Variants in GAB4 observed in about 807,000 individuals in gnomAD.
GAB4 encodes the protein GRB2 associated binding protein family member 4.
Under a neutral mutation model 51.3 loss-of-function variants are expected in GAB4, and 26 were observed. The ratio of observed to expected loss-of-function variants is 0.51; its 90% CI spans 0.37 to 0.70. The LOEUF (loss-of-function observed/expected upper bound fraction) is 0.70, where lower values mean the gene tolerates loss of function less well. GAB4 is among the 30% of genes least tolerant of loss of function. GAB4 has a pLI of 0.00. For synonymous variants in GAB4, 329 were observed against 291.2 expected (o/e 1.13, Z -1.32); for missense variants, 759 against 734.6 (o/e 1.03, Z -0.38).
At chr22:16,984,984 G>A (rs1338518852) in intron 3 of GAB4, among the ~76,000 whole-genome samples, 1 of 152,322 alleles carries the variant, frequency 6.6e-6, no homozygotes, top group East Asian at 1.9e-4. Context: ...ATTGACCTCT[G>A]TGTATTTGCT....
intron 3 of GAB4, among the ~76,000 whole-genome samples, chr22:16,974,701 C>A (rs1349751989): frequency 6.6e-6 from 1 of 152,210 alleles, no homozygotes; most frequent in African/African-American, 2.4e-5. Flanking sequence ...CTTTAAAAAC[C>A]TAAATGATGG....
intron 3 of GAB4, 35 bp downstream of exon 3, chr22:16,987,925 G>T: frequency 6.6e-7 from 1 of 1,510,260 alleles, no homozygotes; most frequent in Non-Finnish European, 9.0e-7. Flanking sequence ...ACCTTGTGGG[G>T]GTCACTGCCC....
intron 1 of GAB4, among the ~76,000 whole-genome samples, chr22:17,003,098 T>C (rs1601293732): frequency 6.6e-6 from 1 of 152,130 alleles, no homozygotes; most frequent in East Asian, 1.9e-4. Flanking sequence ...CATTAAATAA[T>C]GGTAAAGGGA....
intron 1 of GAB4, among the ~76,000 whole-genome samples, chr22:16,999,132 T>A (rs1033288643): frequency 1.3e-5 from 2 of 152,248 alleles, no homozygotes; most frequent in African/African-American, 4.8e-5. Flanking sequence ...CAGGCTTTGG[T>A]AACAGGATGA....
intron 3 of GAB4, among the ~76,000 whole-genome samples, chr22:16,984,463 C>T (rs1569102370): frequency 1.3e-5 from 2 of 152,204 alleles, no homozygotes; most frequent in Non-Finnish European, 2.9e-5. Context: ...TAGCCAACAT[C>T]TGTATTATCT....
intron 1 of GAB4, among the ~76,000 whole-genome samples, chr22:16,999,496 T>C (rs902844325): frequency 6.6e-6 from 1 of 152,240 alleles, no homozygotes; most frequent in Non-Finnish European, 1.5e-5. Flanking sequence ...ATCCCCTTTA[T>C]CACTTTTTAT....
chr22:17,007,136 G>C (rs4819939), intron 1 of GAB4, among the ~76,000 whole-genome samples: 53,049 of 152,028 alleles, frequency 0.35, 9,601 homozygotes, highest in South Asian at 0.46. Flanking sequence ...TGAAGGGCTG[G>C]ACCTGGGGCT....
rs2060699601 is a variant in GAB4 at position 16,968,338 on chromosome 22, C to T, written c.983G>A (p.Arg328Gln). Residue 328 changes from arginine to glutamine, a missense_variant, in exon 5 of 10, where the codon CGG (arginine) becomes CAG (glutamine). Transcript: ENST00000400588. ...TCCCTCATGCATGGACTCAGCAGGC[C>T]GGCTGGCATTCCCTCCACCATGCTG... is the stretch of plus-strand genomic sequence containing the variant. ...YTQHGGGNAS[R>Q]PAESMHEGVC... 1 of 1,614,072 alleles carries T rather than the reference C, an allele frequency of 6.2e-7. No individual in the cohort carries two copies. Among genetic ancestry groups the T allele is most frequent in the Non-Finnish European group, 8.5e-7 (1 of 1,179,968 alleles).
chr22:17,004,968 C>T (rs1185655877), intron 1 of GAB4, among the ~76,000 whole-genome samples: 1 of 152,194 alleles, frequency 6.6e-6, no homozygotes, highest in Non-Finnish European at 1.5e-5. Flanking sequence ...TCTCACCACT[C>T]CTATTCAACA....
At position 16,966,088 on chromosome 22, in the gene GAB4, G is replaced by A; in HGVS notation, c.1288+12C>T. 1 of 1,612,810 alleles carries A rather than the reference G, an allele frequency of 6.2e-7. No individual in the cohort carries two copies. ...TGGACATTGTCAAGAAATAGAATGG[G>A]GAAAGACTTACCCTTCTGGTTAGGC... On this transcript the variant is annotated intron_variant, in intron 6 of 9. Coordinates refer to ENST00000400588, the MANE Select transcript of GAB4 (RefSeq NM_001037814.1).
At chr22:16,964,509 G>A (rs1337880517) in intron 8 of GAB4, among the ~76,000 whole-genome samples, 2 of 152,166 alleles carry the variant, frequency 1.3e-5, no homozygotes, top group Non-Finnish European at 2.9e-5. Flanking sequence ...GGCACCACCT[G>A]TATCACCGTC....
chr22:16,987,930 C>A (rs1425431101), intron 3 of GAB4, 30 bp downstream of exon 3: 2 of 1,528,834 alleles, frequency 1.3e-6, no homozygotes, highest in African/African-American at 1.4e-5. Flanking sequence ...GTGGGGGTCA[C>A]TGCCCCCACT....
chr22:16,980,967 T>G (rs188381981), intron 3 of GAB4, among the ~76,000 whole-genome samples: 2 of 151,616 alleles, frequency 1.3e-5, no homozygotes, highest in Admixed American at 1.3e-4. Context: ...TGAGACCACA[T>G]GGACACAGGG....
At position 16,987,436 on chromosome 22, in the gene GAB4, C is replaced by G. The variant is rs149911711; in HGVS notation, c.686+524G>C. ...GGACATGCTACCTATCTTTGCTAGT[C>G]ACTTTGGTGGCTACTGAGCATTTGA... is the stretch of plus-strand genomic sequence containing the variant. On this transcript the variant is annotated intron_variant, in intron 3 of 9. Transcript: ENST00000400588. 4.6e-5 allele frequency among the ~76,000 whole-genome samples: 7 copies of G among 152,344 alleles called. No homozygotes were observed. The East Asian group carries it at 1.3e-3, about 29-fold the overall frequency.
intron 3 of GAB4, among the ~76,000 whole-genome samples, chr22:16,982,446 A>G (rs1211473794): frequency 2.6e-5 from 4 of 152,214 alleles, no homozygotes; most frequent in African/African-American, 9.6e-5. Flanking sequence ...AAAAATACTT[A>G]CAAAATAATC....
intron 5 of GAB4, chr22:16,966,613 A>T (rs1337410006): frequency 2.0e-6 from 1 of 510,466 alleles, no homozygotes; most frequent in East Asian, 3.2e-5. Flanking sequence ...CTTCCATGAC[A>T]CAGTCAACAT....
intron 8 of GAB4, 81 bp from the exon 9 acceptor site, chr22:16,963,910 G>C (rs2060650217): frequency 9.3e-7 from 1 of 1,077,726 alleles, no homozygotes; most frequent in Non-Finnish European, 1.4e-6. Context: ...TGTGGGCGTA[G>C]CTACGAGCCC....
At chr22:16,997,850 A>G (rs1384222263) in intron 1 of GAB4, among the ~76,000 whole-genome samples, 1 of 152,244 alleles carries the variant, frequency 6.6e-6, no homozygotes, top group Non-Finnish European at 1.5e-5. Context: ...ATCCAGTTTC[A>G]GCTTTCTACA....
intron 1 of GAB4, among the ~76,000 whole-genome samples, chr22:17,006,694 A>G (rs1270640241): frequency 6.6e-6 from 1 of 152,230 alleles, no homozygotes; most frequent in Non-Finnish European, 1.5e-5. Flanking sequence ...GAATGAGTTC[A>G]TGTTCTTTAC....
Sources: gnomAD v4.1 joint callset for allele counts (sites outside exome capture counted in the v4.1 genomes callset) on GRCh38, gnomAD v4.1.1 for gene constraint, MANE v1.5 for transcripts, NCBI Gene and HGNC (gene_info 2026-07-23, HGNC 2026-07-21) for gene names.